Variants in TUT7 observed in about 807,000 individuals in gnomAD.
TUT7 encodes the protein terminal uridylyltransferase 7.
Under a neutral mutation model 165.9 loss-of-function variants are expected in TUT7, and 33 were observed. The ratio of observed to expected loss-of-function variants is 0.20; its 90% confidence interval spans 0.15 to 0.27. The LOEUF is 0.27. Ranked by LOEUF, TUT7 falls within the 10% of genes least tolerant of loss-of-function variation. The pLI is 1.00. For synonymous variants in TUT7, 552 were observed against 608.1 expected, an observed-to-expected ratio of 0.91 and a Z score of 1.36; for missense variants, 1,338 against 1,762.3, an observed-to-expected ratio of 0.76 and a Z score of 4.31.
chr9:86,309,341 T>TA, intron 20 of TUT7, 52 bp from the exon 21 acceptor site: 1 of 1,417,256 alleles, frequency 7.1e-7, no homozygotes, highest in Non-Finnish European at 9.8e-7. Flanking sequence ...AATGCATTGA[T>TA]ACAAAAACTT....
intron 19 of TUT7, 47 bp downstream of exon 19, chr9:86,309,881 A>C: frequency 6.6e-7 from 1 of 1,511,188 alleles, no homozygotes; most frequent in Non-Finnish European, 9.2e-7. Context: ...CAGTGTTTAA[A>C]GATGCAATGA....
At chr9:86,334,718 T>TA in intron 10 of TUT7, among the ~76,000 whole-genome samples, 1 of 152,238 alleles carries the variant, frequency 6.6e-6, no homozygotes, top group African/African-American at 2.4e-5. Flanking sequence ...TCCTGAGTTT[T>TA]TATACCCAGG....
chr9:86,314,259 G>A (rs892450652), intron 17 of TUT7, among the ~76,000 whole-genome samples: 19 of 152,228 alleles, frequency 1.2e-4, no homozygotes, highest in Admixed American at 6.5e-5. Context: ...TGACACTGTT[G>A]ATCATTACCA....
chr9:86,340,599 A>C (rs1221906648), intron 7 of TUT7, among the ~76,000 whole-genome samples: 1 of 152,232 alleles, frequency 6.6e-6, no homozygotes, highest in African/African-American at 2.4e-5. Context: ...TGATAAACCT[A>C]AATGGGCACC....
intron 12 of TUT7, 72 bp downstream of exon 12, chr9:86,325,261 TA>T: frequency 1.4e-6 from 2 of 1,437,000 alleles, no homozygotes; most frequent in African/African-American, 1.4e-5. Context: ...GAGACTGAAA[TA>T]AAAAGCATGC....
In TUT7 at chr9:86,336,001, T is replaced by C. The variant is rs545707621; in HGVS notation, c.1455+1418A>G. ...AAAGGGTATCCATACTACCCTGAAG[T>C]ATCCTTAGGAGAATCTCATCACCAG... On this transcript the variant is annotated intron_variant, in intron 10 of 26. Transcript: ENST00000375963. Among the ~76,000 whole-genome samples, 14 of 152,300 alleles carry C rather than the reference T, an allele frequency of 9.2e-5. No homozygotes were observed. The South Asian group carries it at 1.9e-3, about 20-fold the overall frequency.
intron 25 of TUT7, chr9:86,301,939 T>G: frequency 1.3e-6 from 1 of 782,092 alleles, no homozygotes; most frequent in Non-Finnish European, 1.6e-6. Context: ...ACGGCCTTTC[T>G]GGCACATTAG....
intron 16 of TUT7, 137 bp from the exon 17 acceptor site, chr9:86,317,413 G>A: frequency 2.9e-6 from 2 of 689,664 alleles, no homozygotes; most frequent in East Asian, 2.6e-5. Context: ...TTTCTAGTTG[G>A]GTATTAGAGT....
intron 5 of TUT7, among the ~76,000 whole-genome samples, chr9:86,344,624 A>G (rs908701305): frequency 2.7e-5 from 4 of 150,518 alleles, no homozygotes; most frequent in African/African-American, 9.8e-5. Flanking sequence ...ACCTGAAAAT[A>G]ACTTCAGGAT....
chr9:86,343,643 CAAT>C (rs1317323948), intron 5 of TUT7, among the ~76,000 whole-genome samples: 5 of 151,932 alleles, frequency 3.3e-5, no homozygotes, highest in African/African-American at 9.7e-5. Flanking sequence ...TTTAGTAAAA[CAAT>C]AATAAAAATA....
intron 10 of TUT7, among the ~76,000 whole-genome samples, chr9:86,329,098 GT>G (rs1321894220): frequency 6.6e-6 from 1 of 152,178 alleles, no homozygotes; most frequent in Admixed American, 6.5e-5. Context: ...CATTTTCAAA[GT>G]AAATTTTATG....
At chr9:86,312,178 C>T (rs377326062) in intron 17 of TUT7, among the ~76,000 whole-genome samples, 2 of 150,608 alleles carry the variant, frequency 1.3e-5, no homozygotes, top group South Asian at 2.1e-4. Flanking sequence ...AAGTGAGGAG[C>T]GCCTCTTCCC....
At chr9:86,349,731 G>T (rs1000332350) in intron 2 of TUT7, among the ~76,000 whole-genome samples, 2 of 152,230 alleles carry the variant, frequency 1.3e-5, no homozygotes, top group South Asian at 4.1e-4. Context: ...ACTAAATAAT[G>T]TTATACCGAA....
rs2131635881 is a variant in TUT7, at chr9:86,352,786, A to T, written c.414T>A (p.Asp138Glu). Residue 138 changes from aspartate to glutamate, a missense_variant, in exon 2 of 27, where the codon GAT (aspartate) becomes GAA (glutamate). This residue lies in a region of TUT7 where 434 missense variants were observed against 480.8 expected (regional missense o/e 0.90). Transcript: ENST00000375963. ...CTCTTGTGTCTTGCCACCTATAACC[A>T]TCTTCATTTTCTTGAAAGGAGTCTT... ...QRKDSFQENE[D>E]GYRWQDTRGC... 1 of 1,614,074 alleles carries T rather than the reference A, an allele frequency of 6.2e-7. No homozygotes were observed. The highest frequency in any genetic ancestry group is 1.3e-5 in the African/African-American group (1 of 74,998).
chr9:86,313,542 CAG>C (rs953245804), intron 17 of TUT7, among the ~76,000 whole-genome samples: 6 of 152,138 alleles, frequency 3.9e-5, no homozygotes, highest in African/African-American at 1.4e-4. Context: ...GATGAGGAAA[CAG>C]AGACCCAGAA....
At chr9:86,314,488 G>A (rs1280263424) in intron 17 of TUT7, among the ~76,000 whole-genome samples, 2 of 152,062 alleles carry the variant, frequency 1.3e-5, no homozygotes, top group African/African-American at 4.8e-5. Context: ...TATGCTCATG[G>A]CAAACTAAAC....
At chr9:86,294,537 T>A (rs1826143233) in intron 26 of TUT7, among the ~76,000 whole-genome samples, 1 of 151,666 alleles carries the variant, frequency 6.6e-6, no homozygotes, top group African/African-American at 2.4e-5. Context: ...CTATTATTTT[T>A]AATTTGCTAT....
chr9:86,326,853 GAT>G (rs1286426998), intron 11 of TUT7, among the ~76,000 whole-genome samples: 1 of 152,152 alleles, frequency 6.6e-6, no homozygotes, highest in Admixed American at 6.5e-5. Context: ...GTGGCAGCAT[GAT>G]TAATCTTTCC....
At chr9:86,336,190 T>A (rs1333696726) in intron 10 of TUT7, among the ~76,000 whole-genome samples, 1 of 152,154 alleles carries the variant, frequency 6.6e-6, no homozygotes, top group Non-Finnish European at 1.5e-5. Context: ...TCCACCTGAT[T>A]TAATCCTATC....
Sources: allele counts gnomAD v4.1 joint callset (sites outside exome capture counted in the v4.1 genomes callset), GRCh38; gene constraint gnomAD v4.1.1; regional missense constraint gnomAD v4.1.1; transcripts MANE v1.5; gene names NCBI Gene and HGNC (gene_info 2026-07-23, HGNC 2026-07-21).